DIP2C: variants seen among roughly 807,000 people sequenced by gnomAD.
The protein encoded by DIP2C is DIP2 acetate--CoA ligase C (putative), also known as disco-interacting protein 2 homolog C.
A neutral mutation model predicts 192.4 loss-of-function variants in DIP2C; 33 were observed. The ratio of observed to expected loss-of-function variants is 0.17; its 90% CI spans 0.13 to 0.23. The LOEUF (loss-of-function observed/expected upper bound fraction) is 0.23. Among genes scored for constraint, DIP2C ranks in the 10% least tolerant of loss-of-function variants. The probability of loss-of-function intolerance (pLI) is 1.00; values close to 1 mark genes in which losing one functional copy is unlikely to be tolerated. For missense variants in DIP2C, 1,537 were observed against 2,110.1 expected, an observed-to-expected ratio of 0.73 and a Z score of 5.32; for synonymous variants, 979 against 864.1, an observed-to-expected ratio of 1.13 and a Z score of -2.33.
intron 10 of DIP2C, among the ~76,000 whole-genome samples, chr10:396,139 G>T (rs911319013): frequency 1.3e-5 from 2 of 152,190 alleles, no homozygotes; most frequent in African/African-American, 4.8e-5. Context: ...AAAGATTTCT[G>T]ATTTGTTCAA....
At chr10:312,745 C>T (rs989943895) in intron 31 of DIP2C, among the ~76,000 whole-genome samples, 8 of 152,138 alleles carry the variant, frequency 5.3e-5, no homozygotes, top group Admixed American at 3.3e-4. Context: ...TAAAGTAACT[C>T]GCCAATAAAG....
intron 1 of DIP2C, among the ~76,000 whole-genome samples, chr10:579,921 C>T (rs146150785): frequency 2.3e-4 from 35 of 152,032 alleles, no homozygotes; most frequent in African/African-American, 7.5e-4. Context: ...ATACAATGTA[C>T]ATATAGGTAC....
intron 1 of DIP2C, among the ~76,000 whole-genome samples, chr10:544,242 T>C (rs1848162693): frequency 6.6e-6 from 1 of 152,278 alleles, no homozygotes; most frequent in African/African-American, 2.4e-5. Flanking sequence ...TGCTGGCATC[T>C]TTCACATTCA....
chr10:611,213 C>T (rs1422045726), intron 1 of DIP2C, among the ~76,000 whole-genome samples: 6 of 152,022 alleles, frequency 3.9e-5, no homozygotes, highest in East Asian at 1.9e-4. Context: ...TCTCTCTTTC[C>T]GGCCATGTAA....
At chr10:386,645 AT>A (rs1297302836) in intron 14 of DIP2C, among the ~76,000 whole-genome samples, 2 of 152,248 alleles carry the variant, frequency 1.3e-5, no homozygotes, top group East Asian at 3.9e-4. Context: ...AGCCACAGAT[AT>A]TTGGTCTAGG....
intron 1 of DIP2C, among the ~76,000 whole-genome samples, chr10:550,888 G>T (rs1848550472): frequency 6.6e-6 from 1 of 152,204 alleles, no homozygotes; most frequent in Non-Finnish European, 1.5e-5. Context: ...AGCCAGTCAG[G>T]CCTGCACACC....
At chr10:679,470 A>ACACCCATGCTCCCCC (rs1831035037) in intron 1 of DIP2C, among the ~76,000 whole-genome samples, 1 of 27,776 alleles carries the variant, frequency 3.6e-5, no homozygotes, top group Non-Finnish European at 6.2e-5. Flanking sequence ...CGTCCTCCCC[A>ACACCCATGCTCCCCC]CACCCCTGCT....
At chr10:408,643 C>G (rs111580375) in intron 9 of DIP2C, among the ~76,000 whole-genome samples, 296 of 152,258 alleles carry the variant, frequency 1.9e-3, no homozygotes, top group East Asian at 0.013. Context: ...TAAAAAGGCT[C>G]TACACATAAA....
chr10:602,002 G>A (rs1222206954), intron 1 of DIP2C, among the ~76,000 whole-genome samples: 1 of 151,840 alleles, frequency 6.6e-6, no homozygotes, highest in South Asian at 2.1e-4. Context: ...TCCTGACTCT[G>A]GCCTTGTCCT....
chr10:306,732 G>A (rs1353906327), intron 32 of DIP2C, among the ~76,000 whole-genome samples: 1 of 152,222 alleles, frequency 6.6e-6, no homozygotes, highest in Non-Finnish European at 1.5e-5. Flanking sequence ...CTGGGCCGGT[G>A]GATCAGAAGA....
chr10:661,083 G>C (rs577643692), intron 1 of DIP2C, among the ~76,000 whole-genome samples: 1 of 152,344 alleles, frequency 6.6e-6, no homozygotes, highest in Admixed American at 6.5e-5. Flanking sequence ...AGACACACTA[G>C]AATTAGCCAT....
intron 1 of DIP2C, among the ~76,000 whole-genome samples, chr10:493,436 A>G (rs1844593310): frequency 6.6e-6 from 1 of 152,060 alleles, no homozygotes; most frequent in Non-Finnish European, 1.5e-5. Context: ...TTGTATTTAC[A>G]TTTTTTGGTG....
chr10:656,488 G>A (rs1010188188), intron 1 of DIP2C, among the ~76,000 whole-genome samples: 16 of 152,230 alleles, frequency 1.1e-4, no homozygotes, highest in Middle Eastern at 3.4e-3. Context: ...TACCCAGTGC[G>A]GTATTCAAAT....
rs11298752 is a variant in DIP2C, at chr10:526,530, CAA to C, written c.86-40002_86-40001del. On this transcript the variant is annotated intron_variant, in intron 1 of 36. Transcript: ENST00000280886. ...CTGTCACACACCAGCCCTACCCCAC[CAA>C]AAAAAAAAAAAAAAATCCGTGGCAT... 4.3e-3 allele frequency among the ~76,000 whole-genome samples: 600 copies of C among 138,996 alleles called. 4 individuals carry two copies. Among genetic ancestry groups the C allele is most frequent in the African/African-American group, 5.8e-3 (214 of 36,670 alleles). The allele number at this position is 138,996 out of a possible 152,430, so 91.2% of individuals were successfully genotyped here.
chr10:334,097 G>A (rs1254578555), intron 29 of DIP2C, among the ~76,000 whole-genome samples: 2 of 152,034 alleles, frequency 1.3e-5, no homozygotes, highest in Non-Finnish European at 2.9e-5. Flanking sequence ...TTGAGGTAAG[G>A]AGTTCAAGAC....
intron 1 of DIP2C, among the ~76,000 whole-genome samples, chr10:556,058 C>T (rs1431460699): frequency 6.6e-6 from 1 of 151,600 alleles, no homozygotes; most frequent in Non-Finnish European, 1.5e-5. Context: ...ACCTCTCCCA[C>T]AATCGGATCC....
chr10:673,157 C>T (rs1830728948), intron 1 of DIP2C, among the ~76,000 whole-genome samples: 1 of 152,166 alleles, frequency 6.6e-6, no homozygotes, highest in South Asian at 2.1e-4. Context: ...CTGTGGAGCT[C>T]CTGCCGCCCA....
At chr10:497,098 T>C (rs1455536923) in intron 1 of DIP2C, among the ~76,000 whole-genome samples, 1 of 152,024 alleles carries the variant, frequency 6.6e-6, no homozygotes, top group Non-Finnish European at 1.5e-5. Context: ...CACTCCAGCC[T>C]GGGCGACTAG....
At chr10:421,584 T>TAATTCACATAATTACA (rs2133157946) in intron 5 of DIP2C, among the ~76,000 whole-genome samples, 1 of 152,320 alleles carries the variant, frequency 6.6e-6, no homozygotes, top group South Asian at 2.1e-4. Context: ...CAAGTACAGG[T>TAATTCACATAATTACA]TATTAATTCA....
Sources: allele counts gnomAD v4.1 joint callset (sites outside exome capture counted in the v4.1 genomes callset), GRCh38; gene constraint gnomAD v4.1.1; transcripts MANE v1.5; gene names NCBI Gene and HGNC (gene_info 2026-07-23, HGNC 2026-07-21).